Variants in SYT1 observed in about 807,000 individuals in gnomAD.
The protein encoded by SYT1 is synaptotagmin-1.
SYT1 carries 8 observed loss-of-function variants against 44.8 expected under a neutral mutation model. That is an observed-to-expected ratio of 0.18 (90% CI 0.10 to 0.32). The LOEUF (loss-of-function observed/expected upper bound fraction) is 0.32, where lower values mean the gene tolerates loss of function less well. Among genes scored for constraint, SYT1 ranks in the 10% least tolerant of loss-of-function variants. The probability of loss-of-function intolerance (pLI) is 1.00; values close to 1 mark genes in which losing one functional copy is unlikely to be tolerated. For synonymous variants in SYT1, 154 were observed against 188.8 expected, an observed-to-expected ratio of 0.82 and a Z score of 1.51; for missense variants, 286 against 509.3, an observed-to-expected ratio of 0.56 and a Z score of 4.22.
At chr12:79,407,403 A>G (rs377373246) in intron 9 of SYT1, among the ~76,000 whole-genome samples, 1 of 152,074 alleles carries the variant, frequency 6.6e-6, no homozygotes, top group Non-Finnish European at 1.5e-5. Flanking sequence ...TGACAGTACC[A>G]CCATGCCTTC....
At chr12:79,335,061 G>C (rs567349914) in intron 8 of SYT1, among the ~76,000 whole-genome samples, 26 of 152,178 alleles carry the variant, frequency 1.7e-4, no homozygotes, top group African/African-American at 4.3e-4. Context: ...AACATCCCAA[G>C]CCTATCCCTT....
intron 9 of SYT1, among the ~76,000 whole-genome samples, chr12:79,389,463 G>A (rs1884568338): frequency 6.6e-6 from 1 of 152,154 alleles, no homozygotes; most frequent in Non-Finnish European, 1.5e-5. Flanking sequence ...ATCAGGCACT[G>A]TGCTAAGAAT....
At chr12:79,162,523 A>T (rs1448465731) in intron 3 of SYT1, among the ~76,000 whole-genome samples, 1 of 152,152 alleles carries the variant, frequency 6.6e-6, no homozygotes, top group Non-Finnish European at 1.5e-5. Flanking sequence ...AGAGCTAAAC[A>T]AAATCATGCA....
Position 79,195,072 on chromosome 12 carries a change from A to G in SYT1, c.-17-22431A>G, listed in dbSNP as rs1300078746. Among the ~76,000 whole-genome samples the G allele has an allele frequency of 4.6e-5, 7 of 152,288 alleles. 1 individual carries two copies. Among genetic ancestry groups the G allele is most frequent in the African/African-American group, 1.4e-4 (6 of 41,584 alleles). ...ATTGTTAACTGAGCCCATTTTGCATATTTATTGCTACATCTTTTAATTTGT... is the reference window on the plus strand; with the variant it reads ...ATTGTTAACTGAGCCCATTTTGCATGTTTATTGCTACATCTTTTAATTTGT... On this transcript the variant is annotated intron_variant, in intron 3 of 10. Coordinates refer to ENST00000261205, the MANE Select transcript of SYT1 (RefSeq NM_005639.3).
intron 8 of SYT1, among the ~76,000 whole-genome samples, chr12:79,308,291 G>C (rs781533757): frequency 6.6e-6 from 1 of 152,078 alleles, no homozygotes; most frequent in Non-Finnish European, 1.5e-5. Flanking sequence ...TTGGGAGGCC[G>C]AGACGGGAGA....
At chr12:79,099,041 G>A (rs1269265153) in intron 3 of SYT1, among the ~76,000 whole-genome samples, 3 of 152,062 alleles carry the variant, frequency 2.0e-5, no homozygotes, top group African/African-American at 7.2e-5. Context: ...CAGGAAAGGA[G>A]GAAATAAAAG....
chr12:79,446,034 T>TATACATATATATATATATGTATATA (rs1491131045), intron 10 of SYT1, among the ~76,000 whole-genome samples: 1 of 115,540 alleles, frequency 8.7e-6, no homozygotes, highest in Non-Finnish European at 1.8e-5. Flanking sequence ...TATATATATA[T>TATACATATATATATATATGTATATA]TATGCCTAGG....
At chr12:79,332,393 G>T (rs533288639) in intron 8 of SYT1, among the ~76,000 whole-genome samples, 1 of 152,124 alleles carries the variant, frequency 6.6e-6, no homozygotes, top group Non-Finnish European at 1.5e-5. Flanking sequence ...AAACTAAATC[G>T]TTTCTGCAGA....
intron 3 of SYT1, among the ~76,000 whole-genome samples, chr12:79,048,517 G>T (rs901663292): frequency 6.6e-6 from 1 of 151,808 alleles, no homozygotes; most frequent in Non-Finnish European, 1.5e-5. Flanking sequence ...CTGTCTGAAG[G>T]TTATGTATGT....
Position 79,037,174 on chromosome 12 carries a change from C to T in SYT1, c.-83-10123C>T, listed in dbSNP as rs556424060. 5.3e-5 allele frequency among the ~76,000 whole-genome samples: 8 copies of T among 151,836 alleles called. No homozygotes were observed. The East Asian group carries it at 1.2e-3, about 22-fold the overall frequency. On this transcript the variant is annotated intron_variant, in intron 2 of 10. Transcript: ENST00000261205. ...GTTAGATGTGCTCAATGTGACTTTC[C>T]GTTATAGATTTTGGTAAATAGTTTT...
intron 3 of SYT1, among the ~76,000 whole-genome samples, chr12:79,179,751 T>C (rs2138405633): frequency 6.6e-6 from 1 of 152,002 alleles, no homozygotes; most frequent in South Asian, 2.1e-4. Context: ...CCTTGATCTA[T>C]TTGCCATTTG....
At chr12:79,070,851 TG>T (rs1465896568) in intron 3 of SYT1, among the ~76,000 whole-genome samples, 7 of 152,228 alleles carry the variant, frequency 4.6e-5, no homozygotes, top group African/African-American at 1.7e-4. Flanking sequence ...CAAACCTGCA[TG>T]GGTGCCCTCT....
At chr12:78,915,124 T>C (rs540128660) in intron 1 of SYT1, among the ~76,000 whole-genome samples, 8 of 152,126 alleles carry the variant, frequency 5.3e-5, no homozygotes, top group Admixed American at 3.3e-4. Flanking sequence ...TTTAGGAAGA[T>C]TGAAGTAGTG....
intron 9 of SYT1, among the ~76,000 whole-genome samples, chr12:79,364,336 A>C (rs1224146353): frequency 6.6e-6 from 1 of 152,000 alleles, no homozygotes; most frequent in African/African-American, 2.4e-5. Flanking sequence ...CCTCAACGAC[A>C]GTCATAAAGG....
In SYT1 at chr12:79,217,427, A is replaced by C. The variant is rs542942021; in HGVS notation, c.-17-76A>C. ...CAGGTGCCACCTCTGATGTTGTTTC[A>C]TCTCTGGGATACCTTTGATGTGGGA... On this transcript the variant is annotated intron_variant, in intron 3 of 10. Coordinates refer to ENST00000261205, the MANE Select transcript of SYT1 (RefSeq NM_005639.3). 59 of 1,312,068 alleles carry C rather than the reference A, an allele frequency of 4.5e-5. No homozygotes were observed. In the African/African-American group the frequency reaches 8.6e-4, roughly 19 times the overall value. 81.3% of individuals were successfully genotyped at this position (1,312,068 alleles called of 1,614,324 possible). A position where few individuals can be genotyped will look rare whatever the true frequency, so the allele number is the denominator to read the frequency against.
intron 3 of SYT1, among the ~76,000 whole-genome samples, chr12:79,069,730 T>C (rs1876135239): frequency 1.3e-5 from 2 of 152,152 alleles, no homozygotes; most frequent in Admixed American, 1.3e-4. Flanking sequence ...GATGTTAAAA[T>C]CCCTTTCTGG....
chr12:79,127,412 G>A (rs1383123940), intron 3 of SYT1, among the ~76,000 whole-genome samples: 1 of 151,666 alleles, frequency 6.6e-6, no homozygotes, highest in Non-Finnish European at 1.5e-5. Context: ...ACAGATTGTG[G>A]TTCTAGAGCT....
chr12:79,188,716 G>C (rs1872940782), intron 3 of SYT1, among the ~76,000 whole-genome samples: 1 of 151,942 alleles, frequency 6.6e-6, no homozygotes, highest in Admixed American at 6.6e-5. Flanking sequence ...ATATTTTGTA[G>C]CATCACTCCA....
intron 3 of SYT1, among the ~76,000 whole-genome samples, chr12:79,197,746 A>G (rs536599728): frequency 1.3e-5 from 2 of 152,314 alleles, no homozygotes; most frequent in South Asian, 4.1e-4. Context: ...GAATAAAGAG[A>G]ATACTGATGT....
Sources: gnomAD v4.1 joint callset for allele counts (sites outside exome capture counted in the v4.1 genomes callset) on GRCh38, gnomAD v4.1.1 for gene constraint, MANE v1.5 for transcripts, NCBI Gene and HGNC (gene_info 2026-07-23, HGNC 2026-07-21) for gene names.